Variants in VPS13A observed in about 807,000 individuals in gnomAD.
VPS13A encodes the protein vacuolar protein sorting 13 homolog A.
Under a neutral mutation model 390.9 loss-of-function variants are expected in VPS13A, and 264 were observed. That is an observed-to-expected ratio of 0.68 (90% CI 0.61 to 0.75). VPS13A has a LOEUF of 0.75. Ranked by LOEUF, VPS13A falls within the 30% of genes least tolerant of loss-of-function variation. The pLI, the probability that VPS13A is intolerant of heterozygous loss-of-function variation, is 0.00. For synonymous variants in VPS13A, 1,231 were observed against 1,227.1 expected (o/e 1.00, Z -0.07); for missense variants, 3,409 against 3,733.9 (o/e 0.91, Z 2.27).
chr9:77,403,659 CCT>C (rs1429713413), intron 69 of VPS13A, among the ~76,000 whole-genome samples: 2 of 152,184 alleles, frequency 1.3e-5, no homozygotes, highest in African/African-American at 4.8e-5. Context: ...AGTCAGCAGT[CCT>C]CTGGTAGTAT....
intron 70 of VPS13A, among the ~76,000 whole-genome samples, chr9:77,406,697 G>A (rs1006222813): frequency 1.3e-5 from 2 of 151,576 alleles, no homozygotes; most frequent in African/African-American, 2.4e-5. Flanking sequence ...GATTATAGAC[G>A]TGAGCCACTG....
intron 1 of VPS13A, among the ~76,000 whole-genome samples, chr9:77,179,376 A>T (rs1369986878): frequency 1.3e-5 from 2 of 152,046 alleles, no homozygotes; most frequent in Admixed American, 1.3e-4. Flanking sequence ...TTTGCAGTTG[A>T]TCTCACCCCG....
chr9:77,307,643 A>G (rs1009977103), intron 34 of VPS13A, among the ~76,000 whole-genome samples: 1 of 152,240 alleles, frequency 6.6e-6, no homozygotes, highest in Non-Finnish European at 1.5e-5. Flanking sequence ...AAGTAGACAG[A>G]TAACTACTGA....
At position 77,355,993 on chromosome 9, in the gene VPS13A, T is replaced by G. The variant is rs117944510; in HGVS notation, c.7653-721T>G. ...AACACAGAGTGTATTCTTAACGAAATGTAAGTCAGATTATGTTGTTAGTTG... is the reference window on the plus strand; with the variant it reads ...AACACAGAGTGTATTCTTAACGAAAGGTAAGTCAGATTATGTTGTTAGTTG... On this transcript the variant is annotated intron_variant, in intron 54 of 71. Coordinates refer to ENST00000360280, the MANE Select transcript of VPS13A (RefSeq NM_033305.3). 8.5e-3 allele frequency among the ~76,000 whole-genome samples: 1,290 copies of G among 152,328 alleles called. 9 individuals are homozygous for G. Among genetic ancestry groups the G allele is most frequent in the South Asian group, 0.014 (67 of 4,828 alleles).
rs2131176867 is a variant in VPS13A, at chr9:77,220,282, C to T, written c.888C>T (p.Phe296=). The T allele has an allele frequency of 3.7e-6, 6 of 1,609,986 alleles. No individual in the cohort carries two copies. Among genetic ancestry groups the T allele is most frequent in the Non-Finnish European group, 5.1e-6 (6 of 1,177,760 alleles). Residue 296 remains phenylalanine (F), a synonymous_variant, in exon 12 of 72, where the codon TTC becomes TTT. Coordinates refer to ENST00000360280, the MANE Select transcript of VPS13A (RefSeq NM_033305.3). ...TTTAATTTTCCATTCTTTAGTATTT[C>T]AGTATTATGGAGCTTCTTGAATCAG... ...IAIEFNKPQY[F]SIMELLESVD...
intron 60 of VPS13A, 135 bp from the exon 61 acceptor site, chr9:77,366,592 G>T: frequency 1.4e-6 from 1 of 740,126 alleles, no homozygotes. Flanking sequence ...TCTACTTAGT[G>T]ATTTTAACAT....
chr9:77,379,705 G>A (rs865873031), intron 67 of VPS13A, among the ~76,000 whole-genome samples: 1 of 152,168 alleles, frequency 6.6e-6, no homozygotes, highest in Non-Finnish European at 1.5e-5. Context: ...TACATTCAAT[G>A]TTAGCCAAAA....
At chr9:77,251,068 A>C (rs574656545) in intron 21 of VPS13A, among the ~76,000 whole-genome samples, 1 of 152,364 alleles carries the variant, frequency 6.6e-6, no homozygotes, top group Admixed American at 6.5e-5. Flanking sequence ...GTTGTTATCA[A>C]AATTGTTAAT....
At chr9:77,290,494 C>T (rs1180368743) in intron 31 of VPS13A, among the ~76,000 whole-genome samples, 1 of 151,990 alleles carries the variant, frequency 6.6e-6, no homozygotes, top group African/African-American at 2.4e-5. Context: ...CTCCCTTTCT[C>T]TCCCCCACCC....
In VPS13A at chr9:77,363,396, T is replaced by A. The variant is rs1271036836; in HGVS notation, c.8212-2064T>A. On this transcript the variant is annotated intron_variant, in intron 59 of 71. Transcript: ENST00000360280. ...GATATGTTTTATTACATTAATTTTT[T>A]TTTTTTTATTTTTTTTTTTTTTTGA... is the stretch of plus-strand genomic sequence containing the variant. Among the ~76,000 whole-genome samples the A allele has an allele frequency of 1.4e-4, 13 of 92,158 alleles. 1 individual carries two copies. In the East Asian group the frequency reaches 1.6e-3, roughly 11 times the overall value. The allele number at this position is 92,158 out of a possible 152,430, so 60.5% of individuals were successfully genotyped here.
chr9:77,250,871 G>A (rs930966764), intron 21 of VPS13A, among the ~76,000 whole-genome samples: 9 of 152,142 alleles, frequency 5.9e-5, no homozygotes, highest in East Asian at 1.9e-4. Context: ...CCCCAGACTC[G>A]TTCAGCTTTC....
At chr9:77,343,020 C>T (rs1438042534) in intron 50 of VPS13A, among the ~76,000 whole-genome samples, 1 of 152,156 alleles carries the variant, frequency 6.6e-6, no homozygotes, top group Admixed American at 6.5e-5. Context: ...AAAGTGTCTT[C>T]ACTTTTTGTG....
intron 27 of VPS13A, among the ~76,000 whole-genome samples, chr9:77,281,015 C>T (rs1826992691): frequency 6.6e-6 from 1 of 151,780 alleles, no homozygotes; most frequent in African/African-American, 2.4e-5. Context: ...TTATGCTAAG[C>T]AAAATAAGCC....
chr9:77,306,231 T>G lies in VPS13A; in HGVS notation c.3961-1714T>G, dbSNP rs537331260. Among the ~76,000 whole-genome samples, 5 of 152,282 alleles carry G rather than the reference T, an allele frequency of 3.3e-5. No homozygotes were observed. The South Asian group carries it at 6.2e-4, about 19-fold the overall frequency. ...CTTTGAAATGCAGTCAAAGAAAGCT[T>G]GGTTACAAGTAAAACTTGTTAAATA... On this transcript the variant is annotated intron_variant, in intron 34 of 71. Transcript: ENST00000360280.
intron 23 of VPS13A, among the ~76,000 whole-genome samples, chr9:77,271,051 CAT>C (rs1322233125): frequency 6.6e-6 from 1 of 152,068 alleles, no homozygotes; most frequent in Non-Finnish European, 1.5e-5. Flanking sequence ...GTTTGGAAGA[CAT>C]TGTTAAAAAA....
intron 54 of VPS13A, among the ~76,000 whole-genome samples, chr9:77,356,072 A>C (rs906027782): frequency 1.3e-5 from 2 of 152,230 alleles, no homozygotes; most frequent in Non-Finnish European, 2.9e-5. Flanking sequence ...CTCAGAGTCT[A>C]CAGTGGTCTA....
chr9:77,385,576 TA>T (rs1350917841), intron 68 of VPS13A, among the ~76,000 whole-genome samples: 1 of 152,142 alleles, frequency 6.6e-6, no homozygotes, highest in African/African-American at 2.4e-5. Context: ...ATGTTTTGTG[TA>T]ATAAAGGTTT....
chr9:77,260,559 G>T (rs2131294413), intron 23 of VPS13A, among the ~76,000 whole-genome samples: 1 of 151,568 alleles, frequency 6.6e-6, no homozygotes, highest in East Asian at 2.0e-4. Flanking sequence ...GTTTCACCGT[G>T]TTAGCCAGGA....
chr9:77,293,358 A>C lies in VPS13A; in HGVS notation c.3357A>C (p.Gly1119=), dbSNP rs759134299. 3 of 1,612,648 alleles carry C rather than the reference A, an allele frequency of 1.9e-6. No individual in the cohort carries two copies. The East Asian group carries it at 6.7e-5, about 36-fold the overall frequency. ...TTATTAAGGCTGTTTATATCACTGG[A>C]AAAGAAGTTTTCAGCTTCAAAATGG... ...AIYKKAVYIT[G]KEVFSFKMVS... Residue 1119 remains glycine (G), a synonymous_variant, in exon 32 of 72, where the codon GGA becomes GGC. Coordinates refer to ENST00000360280, the MANE Select transcript of VPS13A (RefSeq NM_033305.3).
Sources: gnomAD v4.1 joint callset for allele counts (sites outside exome capture counted in the v4.1 genomes callset) on GRCh38, gnomAD v4.1.1 for gene constraint, MANE v1.5 for transcripts, NCBI Gene and HGNC (gene_info 2026-07-23, HGNC 2026-07-21) for gene names.